The following CFAP46 variants were observed in gnomAD, a reference collection of about 807,000 sequenced individuals.
CFAP46 encodes the protein cilia and flagella associated protein 46, also known as cilia- and flagella-associated protein 46.
In CFAP46, 245 loss-of-function variants were observed where a neutral mutation model predicts 325.7. The observed-to-expected ratio is 0.75, with a 90% CI of 0.68 to 0.84. The LOEUF (loss-of-function observed/expected upper bound fraction) is 0.84, where lower values mean the gene tolerates loss of function less well. CFAP46 is among the 40% of genes least tolerant of loss of function. The probability of loss-of-function intolerance (pLI) is 0.00; values close to 1 mark genes in which losing one functional copy is unlikely to be tolerated. For synonymous variants in CFAP46, 1,523 were observed against 1,495.9 expected, an observed-to-expected ratio of 1.02 and a Z score of -0.42; for missense variants, 3,346 against 3,543.0, an observed-to-expected ratio of 0.94 and a Z score of 1.41.
rs1400967443 is a variant in CFAP46 at position 132,872,735 on chromosome 10, C to T, written c.4452G>A (p.Gly1484=). Reference sequence around the variant, plus strand: ...CCACCACGGAGTCCGAAATCAGCACCCCCAACTGCAGGACGGGAACCGTGA... The same window carrying T: ...CCACCACGGAGTCCGAAATCAGCACTCCCAACTGCAGGACGGGAACCGTGA... ...HELTVPVLQL[G]VLISDSVVGS... Residue 1484 remains glycine, a synonymous_variant, in exon 32 of 58, where the codon GGG becomes GGA. Coordinates refer to ENST00000368586, the MANE Select transcript of CFAP46 (RefSeq NM_001200049.3). The T allele has an allele frequency of 1.3e-6, 2 of 1,550,834 alleles. No homozygotes were observed. Among genetic ancestry groups the T allele is most frequent in the Non-Finnish European group, 1.7e-6 (2 of 1,147,060 alleles).
At chr10:132,858,704 T>C (rs921654359) in intron 38 of CFAP46, among the ~76,000 whole-genome samples, 4 of 151,634 alleles carry the variant, frequency 2.6e-5, no homozygotes, top group African/African-American at 9.7e-5. Context: ...CCTGGGCATG[T>C]GTGTGCAATG....
At chr10:132,930,413 A>G (rs377294445) in intron 8 of CFAP46, among the ~76,000 whole-genome samples, 65 of 115,352 alleles carry the variant, frequency 5.6e-4, no homozygotes, top group Middle Eastern at 7.5e-3. Context: ...ACAGAGCCTG[A>G]GCCTTCCTTC....
intron 36 of CFAP46, 59 bp downstream of exon 36, chr10:132,860,722 TC>T: frequency 6.6e-7 from 1 of 1,524,380 alleles, no homozygotes; most frequent in Admixed American, 2.0e-5. Context: ...ACGCCCTTCC[TC>T]TCCACCAAGC....
chr10:132,885,075 A>G, intron 27 of CFAP46, 28 bp downstream of exon 27: 1 of 1,527,438 alleles, frequency 6.5e-7, no homozygotes, highest in Admixed American at 2.0e-5. Context: ...AAATTTTACC[A>G]CGTGCACCCA....
chr10:132,854,839 T>C (rs1043744286), intron 39 of CFAP46, among the ~76,000 whole-genome samples: 5 of 152,292 alleles, frequency 3.3e-5, no homozygotes, highest in Non-Finnish European at 5.9e-5. Flanking sequence ...TTTCTATGGA[T>C]TTATCTATCT....
chr10:132,894,749 C>T (rs2135455597), intron 24 of CFAP46, among the ~76,000 whole-genome samples: 1 of 152,182 alleles, frequency 6.6e-6, no homozygotes, highest in East Asian at 1.9e-4. Context: ...TCCAAACACA[C>T]CCAGACTGAC....
In CFAP46 at chr10:132,926,663, G is replaced by A. The variant is rs761044993; in HGVS notation, c.970C>T (p.Pro324Ser). The A allele has an allele frequency of 6.5e-7, 1 of 1,534,850 alleles. No homozygotes were observed. The highest frequency in any genetic ancestry group is 1.4e-5 in the African/African-American group (1 of 73,128). The change falls in exon 10 of 58, where the codon CCT (proline) becomes TCT (serine). Residue 324 changes from proline (P) to serine (S), a missense_variant. Transcript: ENST00000368586. ...CATTCCATTTCAATAAGCTTCCCAG[G>A]ATCCTGCAGATATAAACAGTTTTTG... Reference protein sequence around the residue: ...SDLKKMESKDPGKLIEMECLE... With the variant: ...SDLKKMESKDSGKLIEMECLE...
chr10:132,843,780 A>C (rs1591047709), intron 44 of CFAP46, among the ~76,000 whole-genome samples: 1 of 103,964 alleles, frequency 9.6e-6, no homozygotes, highest in South Asian at 3.9e-4. Context: ...GGGTGTTCCC[A>C]GGGTGCTGTG....
chr10:132,852,878 C>G (rs957280851), intron 39 of CFAP46, among the ~76,000 whole-genome samples: 5 of 152,204 alleles, frequency 3.3e-5, no homozygotes, highest in Non-Finnish European at 7.3e-5. Flanking sequence ...TAGAAATATA[C>G]AACTGATATC....
chr10:132,904,686 A>G (rs55755852), intron 22 of CFAP46, among the ~76,000 whole-genome samples: 3,900 of 152,292 alleles, frequency 0.026, 70 homozygotes, highest in South Asian at 0.031. Flanking sequence ...AGTTATGAGG[A>G]GGCTTTATGC....
At position 132,850,336 on chromosome 10, in the gene CFAP46, G is replaced by C; in HGVS notation, c.5860C>G (p.Arg1954Gly). 3 of 1,554,248 alleles carry C rather than the reference G, an allele frequency of 1.9e-6. No homozygotes were observed. Among genetic ancestry groups the C allele is most frequent in the African/African-American group, 1.4e-5 (1 of 73,366 alleles). Reference sequence around the variant, plus strand: ...GCCCTCCCGGCCAGGCCCAGGAGCCGGGCGCGGATCTCCACACAGCCCACG... The same window carrying C: ...GCCCTCCCGGCCAGGCCCAGGAGCCCGGCGCGGATCTCCACACAGCCCACG... The part of the protein sequence containing the change: ...LSVGCVEIRA[R>G]LLGLAGRALH... Residue 1954 changes from arginine (R) to glycine (G), a missense_variant, in exon 41 of 58, where the codon CGG (arginine) becomes GGG (glycine). Arg to Gly is a moderately radical substitution (Grantham distance 125). Coordinates refer to ENST00000368586, the MANE Select transcript of CFAP46 (RefSeq NM_001200049.3).
At chr10:132,904,458 T>C (rs1043558286) in intron 22 of CFAP46, among the ~76,000 whole-genome samples, 5 of 152,266 alleles carry the variant, frequency 3.3e-5, no homozygotes, top group African/African-American at 1.2e-4. Context: ...CAAAGGACTT[T>C]CCAAAGTCTT....
At position 132,916,663 on chromosome 10, in the gene CFAP46, C is replaced by G; in HGVS notation, c.2006G>C (p.Arg669Pro). The change falls in exon 17 of 58, where the codon CGG (arginine) becomes CCG (proline). Residue 669 changes from arginine (R) to proline (P), a missense_variant. Transcript: ENST00000368586. Reference sequence around the variant, plus strand: ...GTCATTCAGCTCTACACCTTCTGACCGCAGCAAATGAACCGTGGCCTGCAA... The same window carrying G: ...GTCATTCAGCTCTACACCTTCTGACGGCAGCAAATGAACCGTGGCCTGCAA... The part of the protein sequence containing the change: ...IHAEATVHLL[R>P]SEGVELNDRA... The G allele has an allele frequency of 6.7e-7, 1 of 1,490,616 alleles. No homozygotes were observed. The highest frequency in any genetic ancestry group is 9.0e-7 in the Non-Finnish European group (1 of 1,115,358). The allele number at this position is 1,490,616 out of a possible 1,614,324, so 92.3% of individuals were successfully genotyped here.
rs112439403 is a variant in CFAP46, at chr10:132,913,610, C to T, written c.2121-352G>A. Among the ~76,000 whole-genome samples the T allele has an allele frequency of 3.2e-3, 488 of 152,298 alleles. 2 individuals carry two copies. The highest frequency in any genetic ancestry group is 0.011 in the African/African-American group (455 of 41,544). On this transcript the variant is annotated intron_variant, in intron 17 of 57. Coordinates refer to ENST00000368586, the MANE Select transcript of CFAP46 (RefSeq NM_001200049.3). ...GCGACCAGCCTCCACCCAGCCAGTCCGTGGAAAAACTGTCTCCCACGAAAC... is the reference window on the plus strand; with the variant it reads ...GCGACCAGCCTCCACCCAGCCAGTCTGTGGAAAAACTGTCTCCCACGAAAC...
At position 132,834,675 on chromosome 10, in the gene CFAP46, A is replaced by C. The variant is rs939619409; in HGVS notation, c.6845T>G (p.Leu2282Arg). The change falls in exon 48 of 58, where the codon CTG becomes CGG. Residue 2282 changes from leucine to arginine, a missense_variant. Transcript: ENST00000368586. ...LEELLQPLFP[L>R]LSLSKARVQT... is the part of the protein sequence containing the mutation. ...GTACCTGGCCTTGGAGAGGCTGAGC[A>C]GGGGGAATAGCGGCTGCAGAAGCTC... 28 of 1,613,400 alleles carry C rather than the reference A, an allele frequency of 1.7e-5. No homozygotes were observed. The highest frequency in any genetic ancestry group is 2.4e-5 in the Non-Finnish European group (28 of 1,179,950).
In CFAP46 at chr10:132,850,360, C is replaced by T. The variant is rs748187110; in HGVS notation, c.5836G>A (p.Val1946Met). 1.7e-5 allele frequency: 27 copies of T among 1,565,030 alleles called. No individual in the cohort carries two copies. The highest frequency in any genetic ancestry group is 1.7e-4 in the Middle Eastern group (1 of 5,978). ...CGGGCGCGGATCTCCACACAGCCCA[C>T]GCTCAGCGGCTGCAGGCTCCCCAGC... is the stretch of plus-strand genomic sequence containing the variant. ...AQLGSLQPLS[V>M]GCVEIRARLL... Residue 1946 changes from valine to methionine, a missense_variant, in exon 41 of 58, where the codon GTG becomes ATG. Physicochemically the swap from Val to Met is conservative, Grantham distance 21 (BLOSUM62 1). Coordinates refer to ENST00000368586, the MANE Select transcript of CFAP46 (RefSeq NM_001200049.3).
At chr10:132,912,597 CCT>C in intron 19 of CFAP46, 56 bp downstream of exon 19, 1 of 1,281,452 alleles carries the variant, frequency 7.8e-7, no homozygotes, top group Non-Finnish European at 1.0e-6. Flanking sequence ...CTCTCTCTCT[CCT>C]CTCTCCTCTC....
chr10:132,927,063 G>A (rs1591095922), intron 9 of CFAP46, among the ~76,000 whole-genome samples: 1 of 152,338 alleles, frequency 6.6e-6, no homozygotes, highest in South Asian at 2.1e-4. Flanking sequence ...CTTTCTTGGG[G>A]GCTTGCTGAG....
intron 45 of CFAP46, among the ~76,000 whole-genome samples, 173 bp from the exon 46 acceptor site, chr10:132,836,391 G>A (rs944443305): frequency 6.6e-6 from 1 of 152,090 alleles, no homozygotes; most frequent in South Asian, 2.1e-4. Flanking sequence ...GTGCATGGCC[G>A]GTCAGGACGT....
Sources: allele counts gnomAD v4.1 joint callset (sites outside exome capture counted in the v4.1 genomes callset), GRCh38; gene constraint gnomAD v4.1.1; transcripts MANE v1.5; gene names NCBI Gene and HGNC (gene_info 2026-07-23, HGNC 2026-07-21).